NUB1: variants seen among roughly 807,000 people sequenced by gnomAD.
The protein encoded by NUB1 is NEDD8 ultimate buster 1.
NUB1 carries 41 observed loss-of-function variants against 77.1 expected under a neutral mutation model. The observed-to-expected ratio is 0.53, with a 90% confidence interval of 0.41 to 0.69. The LOEUF (loss-of-function observed/expected upper bound fraction) is 0.69, where lower values mean the gene tolerates loss of function less well. Ranked by LOEUF, NUB1 falls within the 30% of genes least tolerant of loss-of-function variation. The pLI is 0.00. For synonymous variants in NUB1, 257 were observed against 281.0 expected, an observed-to-expected ratio of 0.91 and a Z score of 0.85; for missense variants, 643 against 743.8, an observed-to-expected ratio of 0.86 and a Z score of 1.58.
chr7:151,367,762 G>A (rs1464514577), intron 9 of NUB1, 99 bp from the exon 10 acceptor site: 3 of 726,172 alleles, frequency 4.1e-6, no homozygotes, highest in Non-Finnish European at 6.8e-6. Flanking sequence ...TACCTATCAT[G>A]TTGCCCCTCT....
At chr7:151,361,336 T>C (rs981383155) in intron 8 of NUB1, 1 of 152,234 alleles carries the variant, frequency 6.6e-6, no homozygotes, top group South Asian at 2.1e-4. Context: ...TGTTTCAAAC[T>C]TCAGTGCTTA....
chr7:151,368,666 G>T, intron 10 of NUB1, 69 bp from the exon 11 acceptor site: 1 of 1,467,960 alleles, frequency 6.8e-7, no homozygotes, highest in African/African-American at 1.4e-5. Context: ...ATTTCTTTTA[G>T]GCTTTCACTT....
At position 151,373,865 on chromosome 7, in the gene NUB1, C is replaced by T. The variant is rs115347539; in HGVS notation, c.1249-232C>T. On this transcript the variant is annotated intron_variant, in intron 11 of 14. Transcript: ENST00000568733. ...GGCGAGGCACCTCCTTCCTGCCCCA[C>T]GGGCATCTCACTTCCACTGCCTGCC... 2.4e-3 allele frequency among the ~76,000 whole-genome samples: 361 copies of T among 152,132 alleles called. 4 individuals are homozygous for T. The highest frequency in any genetic ancestry group is 8.0e-3 in the African/African-American group (333 of 41,390).
chr7:151,367,876 G>C lies in NUB1; in HGVS notation c.1003G>C (p.Glu335Gln). 3.8e-6 allele frequency: 6 copies of C among 1,591,216 alleles called. No individual in the cohort carries two copies. The highest frequency in any genetic ancestry group is 2.2e-5 in the East Asian group (1 of 44,674). Residue 335 changes from glutamate (E) to glutamine (Q), a missense_variant, in exon 10 of 15, where the codon GAG becomes CAG. Transcript: ENST00000568733. ...ATAATTTTAGGGAAATTGTGGGAAA[G>C]AGAAGGTACTGTTTCTAAGACTCTA... ...LVHIKGNCGK[E>Q]KVLFLRLYLL...
intron 1 of NUB1, 112 bp downstream of exon 1, chr7:151,341,958 G>T: frequency 7.5e-7 from 1 of 1,336,038 alleles, no homozygotes; most frequent in Non-Finnish European, 9.5e-7. Flanking sequence ...AGCGGCCGCG[G>T]GGCGGGGGTG....
Position 151,376,307 on chromosome 7 carries a change from C to T in NUB1, c.1492-327C>T, listed in dbSNP as rs1189995750. ...AGTGACGGCTCTGTCCACATTTGTG[C>T]CCCTACACGCGTTAGCACGCCTGTA... On this transcript the variant is annotated intron_variant, in intron 13 of 14. Transcript: ENST00000568733. 6 of 475,838 alleles carry T rather than the reference C, an allele frequency of 1.3e-5. No homozygotes were observed. The Admixed American group carries it at 1.8e-4, about 14-fold the overall frequency. The allele number at this position is 475,838 out of a possible 1,614,324, so 29.5% of individuals were successfully genotyped here.
At chr7:151,347,495 T>C (rs1796556774) in intron 2 of NUB1, among the ~76,000 whole-genome samples, 1 of 152,212 alleles carries the variant, frequency 6.6e-6, no homozygotes, top group African/African-American at 2.4e-5. Flanking sequence ...TCTTGATCTG[T>C]TGCCCAGGCT....
intron 12 of NUB1, among the ~76,000 whole-genome samples, chr7:151,375,020 G>A (rs1281546878): frequency 1.1e-4 from 16 of 151,358 alleles, no homozygotes; most frequent in African/African-American, 3.2e-4. Context: ...TGCTGGGGGC[G>A]GGGCTGGGGG....
At chr7:151,373,628 G>C (rs943221547) in intron 11 of NUB1, among the ~76,000 whole-genome samples, 2 of 152,206 alleles carry the variant, frequency 1.3e-5, no homozygotes, top group African/African-American at 4.8e-5. Context: ...CATTGCCCAG[G>C]AGCCCCTGAT....
chr7:151,372,311 A>G (rs953054407), intron 11 of NUB1, among the ~76,000 whole-genome samples: 3 of 152,240 alleles, frequency 2.0e-5, no homozygotes, highest in Non-Finnish European at 4.4e-5. Context: ...ATTTCAGAAA[A>G]TAATGTTCTC....
chr7:151,358,268 G>A (rs1430951498), intron 7 of NUB1, among the ~76,000 whole-genome samples: 1 of 152,178 alleles, frequency 6.6e-6, no homozygotes, highest in Non-Finnish European at 1.5e-5. Flanking sequence ...CACTGTGCCC[G>A]GCCAATGTTT....
chr7:151,349,107 G>A lies in NUB1; in HGVS notation c.152G>A (p.Cys51Tyr). ...AAGCAGTACTCTGACAGACTAGAAT[G>A]CTGTGAAAATGAAGTAGAAAAGGTA... ...LAKQYSDRLE[C>Y]CENEVEKVIE... is the part of the protein sequence containing the mutation. Residue 51 changes from cysteine to tyrosine, a missense_variant, in exon 3 of 15, where the codon TGC becomes TAC. Coordinates refer to ENST00000568733, the MANE Select transcript of NUB1 (RefSeq NM_001243351.2). The A allele has an allele frequency of 6.2e-7, 1 of 1,613,308 alleles. No individual in the cohort carries two copies. Among genetic ancestry groups the A allele is most frequent in the Non-Finnish European group, 8.5e-7 (1 of 1,179,784 alleles).
intron 2 of NUB1, among the ~76,000 whole-genome samples, chr7:151,348,277 A>G (rs1421711155): frequency 2.6e-5 from 4 of 152,046 alleles, no homozygotes; most frequent in Non-Finnish European, 1.5e-5. Flanking sequence ...TCCCTTACAA[A>G]TAGTTTTACA....
chr7:151,359,153 G>A (rs1216933291), intron 7 of NUB1, among the ~76,000 whole-genome samples: 1 of 148,222 alleles, frequency 6.7e-6, no homozygotes, highest in Non-Finnish European at 1.5e-5. Flanking sequence ...AGAATAGAAA[G>A]TGAGGCCGGG....
intron 11 of NUB1, among the ~76,000 whole-genome samples, chr7:151,373,717 C>T (rs972893817): frequency 6.6e-6 from 1 of 152,252 alleles, no homozygotes; most frequent in African/African-American, 2.4e-5. Flanking sequence ...CAGAAGCTCT[C>T]CTACCCGGTT....
Position 151,351,482 on chromosome 7 carries a change from A to C in NUB1, c.344A>C (p.Lys115Thr). The C allele has an allele frequency of 6.2e-7, 1 of 1,611,534 alleles. No homozygotes were observed. Among genetic ancestry groups the C allele is most frequent in the South Asian group, 1.1e-5 (1 of 90,854 alleles). Residue 115 changes from lysine (K) to threonine (T), a missense_variant and splice_region_variant, in exon 4 of 15, where the codon AAA becomes ACA. By Grantham distance (78) the Lys-to-Thr change is moderately conservative (BLOSUM62 -1). Transcript: ENST00000568733. ...LHITGRELRS[K>T]IAETFGLQEN... ...ATCACTGGCAGAGAACTGAGGTCCA[A>C]GTAAGTATCTGTGTGCTCTGTGTCC...
chr7:151,360,527 T>C (rs1393709277), intron 8 of NUB1: 1 of 308,562 alleles, frequency 3.2e-6, no homozygotes, highest in Non-Finnish European at 5.9e-6. Context: ...TAAAGTTTCC[T>C]GTCAGCTTTT....
intron 8 of NUB1, among the ~76,000 whole-genome samples, chr7:151,364,337 C>T (rs1477158621): frequency 2.8e-4 from 41 of 148,180 alleles, no homozygotes; most frequent in Non-Finnish European, 4.6e-4. Flanking sequence ...AGGAGAATGG[C>T]AGGAACCCGG....
At chr7:151,350,436 G>T (rs1372637493) in intron 3 of NUB1, among the ~76,000 whole-genome samples, 2 of 152,262 alleles carry the variant, frequency 1.3e-5, no homozygotes, top group African/African-American at 4.8e-5. Context: ...GGCCTTTCCG[G>T]GCACTGGAGT....
Sources: allele counts gnomAD v4.1 joint callset (sites outside exome capture counted in the v4.1 genomes callset), GRCh38; gene constraint gnomAD v4.1.1; transcripts MANE v1.5; gene names NCBI Gene and HGNC (gene_info 2026-07-23, HGNC 2026-07-21).